POLA1: variants seen among roughly 807,000 people sequenced by gnomAD.
POLA1 encodes DNA polymerase alpha 1, catalytic subunit.
A neutral mutation model predicts 124.0 loss-of-function variants in POLA1; 15 were observed. That is an observed-to-expected ratio of 0.12 (90% CI 0.08 to 0.19). The LOEUF (loss-of-function observed/expected upper bound fraction) is 0.19, where lower values mean the gene tolerates loss of function less well. POLA1 is among the 10% of genes least tolerant of loss of function. POLA1 has a pLI of 1.00. For synonymous variants in POLA1, 408 were observed against 389.4 expected (o/e 1.05, Z -0.56); for missense variants, 886 against 1,103.4 (o/e 0.80, Z 2.79).
intron 32 of POLA1, among the ~76,000 whole-genome samples, chrX:24,827,264 A>T (rs751794985): frequency 1.8e-5 from 2 of 112,155 alleles, no homozygotes; most frequent in East Asian, 5.6e-4. Context: ...TTGCTTAGAA[A>T]TGTATTTCAT....
chrX:24,968,572 G>C (rs1433287000), intron 36 of POLA1, among the ~76,000 whole-genome samples: 4 of 109,582 alleles, frequency 3.7e-5, no homozygotes, highest in African/African-American at 1.3e-4. Flanking sequence ...GCGTGGTGGC[G>C]GGTGCCTGTA....
chrX:24,953,161 A>G (rs1376255093), intron 36 of POLA1, among the ~76,000 whole-genome samples: 1 of 112,086 alleles, frequency 8.9e-6, no homozygotes, highest in Admixed American at 9.5e-5. Flanking sequence ...ACTTAGGGCC[A>G]GCAGACTCCA....
chrX:24,705,371 A>C (rs1013000591), intron 4 of POLA1, among the ~76,000 whole-genome samples: 1 of 111,752 alleles, frequency 8.9e-6, no homozygotes, highest in African/African-American at 3.2e-5. Flanking sequence ...CAAAAGCCTA[A>C]CATCTGTGCT....
At chrX:24,854,303 A>G (rs1210792609) in intron 34 of POLA1, among the ~76,000 whole-genome samples, 1 of 109,850 alleles carries the variant, frequency 9.1e-6, no homozygotes, top group Non-Finnish European at 1.9e-5. Context: ...CCTCGCCTCA[A>G]CCTCCCAAAG....
intron 16 of POLA1, 54 bp downstream of exon 16, chrX:24,732,508 T>A (rs1930975702): frequency 3.9e-6 from 3 of 761,082 alleles, no homozygotes; most frequent in Admixed American, 2.3e-5. Context: ...AATTTCCTTA[T>A]TTTTTCTCCA....
At chrX:24,962,900 G>A (rs1025029134) in intron 36 of POLA1, among the ~76,000 whole-genome samples, 28 of 111,069 alleles carry the variant, frequency 2.5e-4, no homozygotes, top group Non-Finnish European at 4.9e-4. Flanking sequence ...ATATATAATG[G>A]GTAACCCCAT....
At chrX:24,742,819 G>A (rs57578414) in intron 22 of POLA1, among the ~76,000 whole-genome samples, 4,449 of 111,165 alleles carry the variant, frequency 0.04, 218 homozygotes, top group African/African-American at 0.14. Context: ...TTAATAATAG[G>A]GATAATGATA....
intron 2 of POLA1, among the ~76,000 whole-genome samples, chrX:24,701,057 A>G (rs1928382302): frequency 8.9e-6 from 1 of 111,891 alleles, no homozygotes; most frequent in African/African-American, 3.3e-5. Flanking sequence ...TAAGTAAGAG[A>G]CAAAGTCTGT....
At chrX:24,815,189 C>A in intron 30 of POLA1, 78 bp downstream of exon 30, 1 of 901,325 alleles carries the variant, frequency 1.1e-6, no homozygotes, top group South Asian at 2.6e-5. Context: ...AGAACCACCT[C>A]ATCCTTGCAA....
chrX:24,977,895 G>C (rs2048382641), intron 36 of POLA1, among the ~76,000 whole-genome samples: 1 of 111,257 alleles, frequency 9.0e-6, no homozygotes, highest in South Asian at 3.9e-4. Flanking sequence ...TGCCAGAGTG[G>C]AGGTGGGGGT....
chrX:24,966,653 C>T lies in POLA1; in HGVS notation c.4262-29152C>T, dbSNP rs148743940. ...ACAGCAATCATTTCTTCACTCCTGC[C>T]CCATTTTTCCTAAGCAAATACACTT... On this transcript the variant is annotated intron_variant, in intron 36 of 36. Transcript: ENST00000379068. 4.1e-3 allele frequency among the ~76,000 whole-genome samples: 460 copies of T among 111,702 alleles called. 1 individual carries two copies. The highest frequency in any genetic ancestry group is 0.014 in the African/African-American group (428 of 30,749).
At chrX:24,890,119 A>G (rs1208442677) in intron 35 of POLA1, among the ~76,000 whole-genome samples, 2 of 94,511 alleles carry the variant, frequency 2.1e-5, no homozygotes, top group Non-Finnish European at 4.2e-5. Context: ...ACAGAGTCTT[A>G]CTCTGTTGCC....
chrX:24,812,506 A>G (rs1272965716), intron 28 of POLA1, 152 bp from the exon 29 acceptor site: 11 of 432,870 alleles, frequency 2.5e-5, no homozygotes, highest in Admixed American at 4.2e-5. Flanking sequence ...TTTATACCCA[A>G]TGTAATATCA....
chrX:24,772,771 G>A (rs2045064744), intron 26 of POLA1, among the ~76,000 whole-genome samples: 1 of 111,744 alleles, frequency 8.9e-6, no homozygotes, highest in African/African-American at 3.3e-5. Flanking sequence ...GGAAGAGAGT[G>A]TGGTGCTTCC....
At chrX:24,732,117 G>C (rs1305044655) in intron 15 of POLA1, among the ~76,000 whole-genome samples, 2 of 110,774 alleles carry the variant, frequency 1.8e-5, no homozygotes, top group African/African-American at 3.3e-5. Flanking sequence ...ACCATGCCCA[G>C]CTAAGTACTG....
intron 35 of POLA1, among the ~76,000 whole-genome samples, chrX:24,909,448 A>C (rs2047413892): frequency 1.8e-5 from 2 of 111,767 alleles, no homozygotes; most frequent in Admixed American, 9.5e-5. Flanking sequence ...TCAGCTTTCT[A>C]CATATGGCTA....
rs371271258 is a variant in POLA1 at position 24,900,017 on chromosome X, A to G, written c.4164+11895A>G. 7.1e-5 allele frequency among the ~76,000 whole-genome samples: 8 copies of G among 112,036 alleles called. No individual in the cohort carries two copies. The East Asian group carries it at 1.7e-3, about 23-fold the overall frequency. ...TTCACCTGCTGATTGGTTTTTGTGT[A>G]TGATAAATTATTCAGAGCTTATGCA... On this transcript the variant is annotated intron_variant, in intron 35 of 36. Coordinates refer to ENST00000379068, the MANE Select transcript of POLA1 (RefSeq NM_001330360.2).
rs913681701 is a variant in POLA1, at chrX:24,756,288, G to A, written c.2964+7296G>A. 5.4e-5 allele frequency among the ~76,000 whole-genome samples: 6 copies of A among 111,436 alleles called. No homozygotes were observed. The East Asian group carries it at 1.1e-3, about 21-fold the overall frequency. ...AAAAAATACAAAGTTTGGGCCGGGC[G>A]CGGTGGCTCACACCTGTAATCCTAG... On this transcript the variant is annotated intron_variant, in intron 26 of 36. Coordinates refer to ENST00000379068, the MANE Select transcript of POLA1 (RefSeq NM_001330360.2).
At chrX:24,836,329 G>A (rs2046340741) in intron 32 of POLA1, among the ~76,000 whole-genome samples, 1 of 111,951 alleles carries the variant, frequency 8.9e-6, no homozygotes, top group South Asian at 3.7e-4. Context: ...TTTGAGAGTT[G>A]TTGTACAGGT....
Sources: gnomAD v4.1 joint callset for allele counts (sites outside exome capture counted in the v4.1 genomes callset) on GRCh38, gnomAD v4.1.1 for gene constraint, MANE v1.5 for transcripts, NCBI Gene and HGNC (gene_info 2026-07-23, HGNC 2026-07-21) for gene names.